PPP1R10: variants seen among roughly 807,000 people sequenced by gnomAD.
PPP1R10 encodes serine/threonine-protein phosphatase 1 regulatory subunit 10.
Under a neutral mutation model 99.0 loss-of-function variants are expected in PPP1R10, and 15 were observed. The observed-to-expected ratio is 0.15, with a 90% CI of 0.10 to 0.23. The LOEUF is 0.23. Among genes scored for constraint, PPP1R10 ranks in the 10% least tolerant of loss-of-function variants. The pLI is 1.00. For missense variants in PPP1R10, 947 were observed against 1,259.4 expected (o/e 0.75, Z 3.75); for synonymous variants, 430 against 449.5 (o/e 0.96, Z 0.55).
intron 2 of PPP1R10, among the ~76,000 whole-genome samples, chr6:30,611,438 A>G (rs1804545413): frequency 6.6e-6 from 1 of 152,232 alleles, no homozygotes; most frequent in Admixed American, 6.5e-5. Flanking sequence ...TACATCTAGC[A>G]CAGAAGTAAC....
At chr6:30,611,284 T>C (rs1804526563) in intron 2 of PPP1R10, among the ~76,000 whole-genome samples, 1 of 152,100 alleles carries the variant, frequency 6.6e-6, no homozygotes, top group Non-Finnish European at 1.5e-5. Flanking sequence ...CACTCCAGCC[T>C]GAGAGACAGA....
At chr6:30,616,273 G>A (rs1760522695) in intron 2 of PPP1R10, among the ~76,000 whole-genome samples, 1 of 152,234 alleles carries the variant, frequency 6.6e-6, no homozygotes, top group African/African-American at 2.4e-5. Context: ...CAGCAAGGCA[G>A]GGAAGAGATA....
In PPP1R10 at chr6:30,601,275, G is replaced by GA. The variant is rs1803286997; in HGVS notation, c.*273dup. 2.0e-6 allele frequency: 1 copy of GA among 501,674 alleles called. No individual in the cohort carries two copies. The highest frequency in any genetic ancestry group is 5.2e-4 in the Middle Eastern group (1 of 1,910). The allele number at this position is 501,674 out of a possible 1,614,324, so 31.1% of individuals were successfully genotyped here. ...TGGAAAGGGGTTTGGGGTACAGGGC[G>GA]AATCTTCTCAAAAAGTGAAGCCAAC... is the stretch of plus-strand genomic sequence containing the variant. On this transcript the variant is annotated 3_prime_UTR_variant, in exon 20 of 20. Coordinates refer to ENST00000376511, the MANE Select transcript of PPP1R10 (RefSeq NM_002714.4).
chr6:30,607,992 TTTTTTTTA>T, intron 5 of PPP1R10, 101 bp from the exon 6 acceptor site: 10 of 1,234,044 alleles, frequency 8.1e-6, no homozygotes, highest in East Asian at 4.8e-5. Context: ...GCTTTTTTTT[TTTTTTTTA>T]TTTTTTGAGA....
At chr6:30,607,641 G>A (rs1014804449) in intron 6 of PPP1R10, among the ~76,000 whole-genome samples, 199 bp downstream of exon 6, 40 of 152,152 alleles carry the variant, frequency 2.6e-4, no homozygotes, top group Admixed American at 1.4e-3. Flanking sequence ...TTCAGCAACA[G>A]AGAAATGAAC....
At position 30,604,151 on chromosome 6, in the gene PPP1R10, C is replaced by A. The variant is rs1379193058; in HGVS notation, c.1365G>T (p.Met455Ile). 6.2e-7 allele frequency: 1 copy of A among 1,614,132 alleles called. No homozygotes were observed. Among genetic ancestry groups the A allele is most frequent in the Non-Finnish European group, 8.5e-7 (1 of 1,180,032 alleles). ...GGCACACCCAGGGCACCTTCTCCTC[C>A]ATGTTATCATGGCTCAGACGCCGCG... ...ETARRLSHDN[M>I]EEKVPWVCPR... Residue 455 changes from methionine (M) to isoleucine (I), a missense_variant, in exon 14 of 20, where the codon ATG becomes ATT. By Grantham distance (10) the Met-to-Ile change is conservative. This residue lies in a region of PPP1R10 where 50 missense variants were observed against 78.6 expected (regional missense o/e 0.64). Coordinates refer to ENST00000376511, the MANE Select transcript of PPP1R10 (RefSeq NM_002714.4). This position sits in a 1 kb window ranked among gnomAD's most constrained non-coding sequence, Gnocchi z 7.3.
In PPP1R10 at chr6:30,602,141, G is replaced by T; in HGVS notation, c.2508C>A (p.Gly836=). 1 of 1,608,176 alleles carries T rather than the reference G, an allele frequency of 6.2e-7. No individual in the cohort carries two copies. The highest frequency in any genetic ancestry group is 8.5e-7 in the Non-Finnish European group (1 of 1,177,788). The change falls in exon 19 of 20, where the codon GGC becomes GGA. Residue 836 remains glycine, a synonymous_variant. Transcript: ENST00000376511. The surrounding 1 kb of genome is among the most constrained non-coding windows in gnomAD (Gnocchi z 6.7). ...GTCCACCACTTCCACCCATGCTTCC[G>T]CCAGGGCCTTCGTGGGGGCGATGTC... The part of the protein sequence containing the change: ...GGGHRPHEGP[G]GSMGGSGGHR...
Position 30,601,494 on chromosome 6 carries a change from A to G in PPP1R10, c.*55T>C, listed in dbSNP as rs1803307448. ...CCTCACAGAAGCCATAACAGGGTGG[A>G]AAGAGCGAGGCTGCAGTCCACAGGG... On this transcript the variant is annotated 3_prime_UTR_variant, in exon 20 of 20. Coordinates refer to ENST00000376511, the MANE Select transcript of PPP1R10 (RefSeq NM_002714.4). The G allele has an allele frequency of 1.7e-5, 25 of 1,472,246 alleles. No individual in the cohort carries two copies. The highest frequency in any genetic ancestry group is 2.3e-5 in the Non-Finnish European group (24 of 1,056,056). 91.2% of individuals were successfully genotyped at this position (1,472,246 alleles called of 1,614,324 possible).
intron 2 of PPP1R10, among the ~76,000 whole-genome samples, chr6:30,612,550 G>A (rs1381831095): frequency 1.3e-5 from 2 of 152,224 alleles, no homozygotes; most frequent in Non-Finnish European, 2.9e-5. Context: ...CAAAATTAGC[G>A]TTAAATATTC....
intron 2 of PPP1R10, among the ~76,000 whole-genome samples, 192 bp downstream of exon 2, chr6:30,616,286 T>G (rs1436263175): frequency 6.6e-6 from 1 of 152,004 alleles, no homozygotes; most frequent in East Asian, 1.9e-4. Context: ...AAGAGATAGG[T>G]GGTAGGGGAG....
At position 30,602,568 on chromosome 6, in the gene PPP1R10, C is replaced by G; in HGVS notation, c.2081G>C (p.Gly694Ala). 6.4e-7 allele frequency: 1 copy of G among 1,564,558 alleles called. No homozygotes were observed. Among genetic ancestry groups the G allele is most frequent in the African/African-American group, 1.4e-5 (1 of 72,876 alleles). The change falls in exon 19 of 20, where the codon GGG (glycine) becomes GCG (alanine). Residue 694 changes from glycine to alanine, a missense_variant. This residue lies in a region of PPP1R10 where 525 missense variants were observed against 578.8 expected (regional missense o/e 0.91). Coordinates refer to ENST00000376511, the MANE Select transcript of PPP1R10 (RefSeq NM_002714.4). This position sits in a 1 kb window ranked among gnomAD's most constrained non-coding sequence, Gnocchi z 6.7. ...GDPMRGGPMR[G>A]GPGPGPGPYH... ...TGGTCCAGGACCTGGTCCTGGACCC[C>G]CCCGCATTGGGCCACCCCGCATAGG...
At position 30,601,461 on chromosome 6, in the gene PPP1R10, A is replaced by G. The variant is rs1803304296; in HGVS notation, c.*88T>C. On this transcript the variant is annotated 3_prime_UTR_variant, in exon 20 of 20. Coordinates refer to ENST00000376511, the MANE Select transcript of PPP1R10 (RefSeq NM_002714.4). ...GCTCCTCATCAGCTGGGGAAAAGGG[A>G]AAATGGGCCTCACAGAAGCCATAAC... 1 of 1,167,786 alleles carries G rather than the reference A, an allele frequency of 8.6e-7. No homozygotes were observed. 72.3% of individuals were successfully genotyped at this position (1,167,786 alleles called of 1,614,324 possible).
intron 2 of PPP1R10, among the ~76,000 whole-genome samples, 187 bp downstream of exon 2, chr6:30,616,291 G>A (rs1370079670): frequency 6.6e-6 from 1 of 152,234 alleles, no homozygotes; most frequent in African/African-American, 2.4e-5. Context: ...ATAGGTGGTA[G>A]GGGAGAGAGA....
chr6:30,615,894 CCAAG>C (rs769163855), intron 2 of PPP1R10, among the ~76,000 whole-genome samples: 2 of 152,128 alleles, frequency 1.3e-5, no homozygotes, highest in Non-Finnish European at 2.9e-5. Context: ...CAAATATACC[CCAAG>C]CAAATTACAT....
chr6:30,604,892 A>AC lies in PPP1R10; in HGVS notation c.954+101dup, dbSNP rs758352054. The stretch of plus-strand genomic sequence containing the variant: ...TGCACCAGTCTATATCCAAGGCAAA[A>AC]CGCCTCTTGTTGTCCTCCCCGACAA... On this transcript the variant is annotated intron_variant, in intron 11 of 19. Coordinates refer to ENST00000376511, the MANE Select transcript of PPP1R10 (RefSeq NM_002714.4). The surrounding 1 kb of genome is among the most constrained non-coding windows in gnomAD (Gnocchi z 7.3). 6.6e-7 allele frequency: 1 copy of AC among 1,511,180 alleles called. No individual in the cohort carries two copies. 93.6% of individuals were successfully genotyped at this position (1,511,180 alleles called of 1,614,324 possible). A position where few individuals can be genotyped will look rare whatever the true frequency, so the allele number is the denominator to read the frequency against.
intron 2 of PPP1R10, among the ~76,000 whole-genome samples, chr6:30,615,263 C>A (rs971124420): frequency 2.0e-5 from 3 of 151,084 alleles, no homozygotes; most frequent in African/African-American, 7.3e-5. Flanking sequence ...AAAACCAGTT[C>A]CCCATCGTGA....
chr6:30,606,702 G>A lies in PPP1R10; in HGVS notation c.461-61C>T, dbSNP rs564915445. 9 of 1,611,882 alleles carry A rather than the reference G, an allele frequency of 5.6e-6. No individual in the cohort carries two copies. In the South Asian group the frequency reaches 9.9e-5, roughly 18 times the overall value. ...TTAGATGAACACTGTCAGAGGTGAA[G>A]CAGACTGGGAGCACCTAAAGGCCAC... On this transcript the variant is annotated intron_variant, in intron 7 of 19. Coordinates refer to ENST00000376511, the MANE Select transcript of PPP1R10 (RefSeq NM_002714.4). The surrounding 1 kb of genome is among the most constrained non-coding windows in gnomAD (Gnocchi z 6.3).
At chr6:30,607,819 A>G in intron 6 of PPP1R10, 21 bp downstream of exon 6, 1 of 1,607,138 alleles carries the variant, frequency 6.2e-7, no homozygotes, top group Non-Finnish European at 8.5e-7. Context: ...AGCCCATGAG[A>G]GAGCAGAAGT....
intron 10 of PPP1R10, 131 bp downstream of exon 10, chr6:30,605,792 G>A (rs1465207939): frequency 1.7e-5 from 15 of 867,136 alleles, no homozygotes; most frequent in East Asian, 4.9e-5. Flanking sequence ...CCCGGGAGGC[G>A]GAGCTTGCAG....
Sources: gnomAD v4.1 joint callset for allele counts (sites outside exome capture counted in the v4.1 genomes callset) on GRCh38, gnomAD v4.1.1 for gene constraint, gnomAD v4.1.1 regional missense constraint, Gnocchi (gnomAD v3.1) non-coding constraint, MANE v1.5 for transcripts, NCBI Gene and HGNC (gene_info 2026-07-23, HGNC 2026-07-21) for gene names.